PTPRK: variants seen among roughly 807,000 people sequenced by gnomAD.
PTPRK encodes the protein protein tyrosine phosphatase receptor type K, also known as receptor-type tyrosine-protein phosphatase kappa.
A neutral mutation model predicts 178.0 loss-of-function variants in PTPRK; 75 were observed. That is an observed-to-expected ratio of 0.42 (90% CI 0.35 to 0.51). The LOEUF is 0.51. Among genes scored for constraint, PTPRK ranks in the 20% least tolerant of loss-of-function variants. The pLI, the probability that PTPRK is intolerant of heterozygous loss-of-function variation, is 0.02. For missense variants in PTPRK, 1,441 were observed against 1,797.8 expected, an observed-to-expected ratio of 0.80 and a Z score of 3.59; for synonymous variants, 637 against 620.6, an observed-to-expected ratio of 1.03 and a Z score of -0.39.
intron 4 of PTPRK, chr6:128,241,076 T>C (rs2128283744): frequency 2.7e-6 from 1 of 370,810 alleles, no homozygotes; most frequent in East Asian, 7.6e-5. Context: ...AACACAGCTC[T>C]CTTAAACTAC....
intron 7 of PTPRK, among the ~76,000 whole-genome samples, chr6:128,160,877 G>A (rs954685272): frequency 6.6e-6 from 1 of 151,438 alleles, no homozygotes; most frequent in African/African-American, 2.4e-5. Context: ...ATATAAAATA[G>A]GATCCTTTAA....
At chr6:128,375,396 A>G (rs1836918680) in intron 2 of PTPRK, among the ~76,000 whole-genome samples, 1 of 151,742 alleles carries the variant, frequency 6.6e-6, no homozygotes, top group African/African-American at 2.4e-5. Flanking sequence ...GTGCAGGGAA[A>G]CAACCTTTTT....
intron 1 of PTPRK, among the ~76,000 whole-genome samples, chr6:128,399,469 A>G (rs1407222897): frequency 1.3e-5 from 2 of 152,266 alleles, no homozygotes; most frequent in East Asian, 3.8e-4. Flanking sequence ...TATGCTTAAA[A>G]TAGACCTTTT....
intron 3 of PTPRK, among the ~76,000 whole-genome samples, chr6:128,285,760 A>G (rs1031884370): frequency 1.3e-5 from 2 of 152,062 alleles, no homozygotes; most frequent in Non-Finnish European, 2.9e-5. Context: ...AGATTGTGAC[A>G]CTGCACTGTT....
intron 13 of PTPRK, among the ~76,000 whole-genome samples, chr6:128,026,158 G>A (rs1774254309): frequency 6.6e-6 from 1 of 152,128 alleles, no homozygotes. Flanking sequence ...ATAAGACAAA[G>A]AAGATCATCT....
intron 7 of PTPRK, among the ~76,000 whole-genome samples, chr6:128,131,733 C>T (rs547097820): frequency 6.6e-6 from 1 of 152,126 alleles, no homozygotes; most frequent in East Asian, 1.9e-4. Flanking sequence ...TCCAAACCAC[C>T]ATCTCTCTGT....
In PTPRK at chr6:127,969,206, A is replaced by C. The variant is rs1214872238; in HGVS notation, c.*1021T>G. The C allele has an allele frequency of 1.3e-5, 2 of 152,210 alleles. No homozygotes were observed. The highest frequency in any genetic ancestry group is 4.8e-5 in the African/African-American group (2 of 41,454). 9.4% of individuals were successfully genotyped at this position (152,210 alleles called of 1,614,324 possible). A position where few individuals can be genotyped will look rare whatever the true frequency, so the allele number is the denominator to read the frequency against. ...TCCTTTAAAATTTAAATGATGCTTA[A>C]AGGCTATGTTCAACATTGTGCAAGT... On this transcript the variant is annotated 3_prime_UTR_variant, in exon 30 of 30. Coordinates refer to ENST00000368226, the MANE Select transcript of PTPRK (RefSeq NM_002844.4).
At chr6:128,130,370 A>T (rs1339967094) in intron 7 of PTPRK, among the ~76,000 whole-genome samples, 1 of 152,202 alleles carries the variant, frequency 6.6e-6, no homozygotes, top group Admixed American at 6.5e-5. Flanking sequence ...TTGCCCGGGC[A>T]TATATGAAAG....
chr6:128,426,807 C>A (rs1282599187), intron 1 of PTPRK, among the ~76,000 whole-genome samples: 1 of 152,006 alleles, frequency 6.6e-6, no homozygotes, highest in Admixed American at 6.6e-5. Flanking sequence ...TCTTGATTTG[C>A]CTGAAATTAA....
intron 15 of PTPRK, 101 bp downstream of exon 15, chr6:128,004,983 C>T: frequency 1.0e-6 from 1 of 1,003,938 alleles, no homozygotes. Context: ...TGCTTCTCCC[C>T]TCACTTTCCT....
chr6:128,207,474 A>C (rs1184284312), intron 6 of PTPRK, among the ~76,000 whole-genome samples: 2 of 152,210 alleles, frequency 1.3e-5, no homozygotes, highest in African/African-American at 4.8e-5. Flanking sequence ...TTTACATGCA[A>C]GTTAGGCTTC....
chr6:128,178,955 G>T (rs1801506391), intron 7 of PTPRK, among the ~76,000 whole-genome samples: 2 of 151,870 alleles, frequency 1.3e-5, no homozygotes, highest in Admixed American at 6.6e-5. Flanking sequence ...TTAGCAGAAT[G>T]TATAGGTGTT....
intron 27 of PTPRK, among the ~76,000 whole-genome samples, chr6:127,975,152 C>G (rs1583467504): frequency 6.6e-6 from 1 of 152,214 alleles, no homozygotes; most frequent in East Asian, 1.9e-4. Context: ...AATAAGTAAG[C>G]AAACAAATAA....
chr6:128,082,078 CA>C (rs975886390), intron 10 of PTPRK, among the ~76,000 whole-genome samples: 1 of 151,948 alleles, frequency 6.6e-6, no homozygotes, highest in African/African-American at 2.4e-5. Flanking sequence ...GATCTTCTAC[CA>C]TTTTTTTGAT....
At chr6:128,339,394 T>A (rs1831367772) in intron 2 of PTPRK, among the ~76,000 whole-genome samples, 1 of 152,200 alleles carries the variant, frequency 6.6e-6, no homozygotes, top group Non-Finnish European at 1.5e-5. Context: ...TATTCACCTC[T>A]TGACCCTCAC....
intron 11 of PTPRK, among the ~76,000 whole-genome samples, chr6:128,071,425 T>C (rs1562529402): frequency 1.3e-5 from 2 of 152,040 alleles, no homozygotes; most frequent in Non-Finnish European, 2.9e-5. Context: ...ACTACTTTTC[T>C]ATAACATCAC....
intron 2 of PTPRK, among the ~76,000 whole-genome samples, chr6:128,330,874 AAAAACAAAAAC>A (rs796553852): frequency 3.3e-4 from 48 of 146,066 alleles, no homozygotes; most frequent in East Asian, 1.4e-3. Flanking sequence ...AAACAAAAAC[AAAAACAAAAAC>A]AAAACAAAAC....
At chr6:128,217,671 T>C (rs894517972) in intron 6 of PTPRK, among the ~76,000 whole-genome samples, 12 of 152,170 alleles carry the variant, frequency 7.9e-5, no homozygotes, top group African/African-American at 2.9e-4. Context: ...TATCTCATAT[T>C]CTCCTTCCAG....
At chr6:128,429,120 G>T (rs1292959680) in intron 1 of PTPRK, among the ~76,000 whole-genome samples, 9 of 152,132 alleles carry the variant, frequency 5.9e-5, no homozygotes, top group Non-Finnish European at 7.4e-5. Context: ...TCCAAGTGAT[G>T]CTACTAGTAA....
Sources: gnomAD v4.1 joint callset for allele counts (sites outside exome capture counted in the v4.1 genomes callset) on GRCh38, gnomAD v4.1.1 for gene constraint, MANE v1.5 for transcripts, NCBI Gene and HGNC (gene_info 2026-07-23, HGNC 2026-07-21) for gene names.